PTGFR: variants seen among roughly 807,000 people sequenced by gnomAD.
PTGFR encodes the protein prostaglandin F2-alpha receptor.
Under a neutral mutation model 26.2 loss-of-function variants are expected in PTGFR, and 15 were observed. The ratio of observed to expected loss-of-function variants is 0.57; its 90% confidence interval spans 0.38 to 0.88. The LOEUF is 0.88. PTGFR is among the 40% of genes least tolerant of loss of function. The probability of loss-of-function intolerance (pLI) is 0.00; values close to 1 mark genes in which losing one functional copy is unlikely to be tolerated. For missense variants in PTGFR, 369 were observed against 427.2 expected, an observed-to-expected ratio of 0.86 and a Z score of 1.20; for synonymous variants, 165 against 151.1, an observed-to-expected ratio of 1.09 and a Z score of -0.68.
chr1:78,535,224 G>A (rs1475564623), intron 2 of PTGFR, among the ~76,000 whole-genome samples: 3 of 152,048 alleles, frequency 2.0e-5, no homozygotes, highest in Non-Finnish European at 4.4e-5. Flanking sequence ...AGCTCAGGAG[G>A]GCATGGTGCA....
intron 2 of PTGFR, among the ~76,000 whole-genome samples, chr1:78,528,289 G>C (rs975997226): frequency 6.7e-5 from 3 of 45,102 alleles, no homozygotes; most frequent in African/African-American, 3.4e-4. Flanking sequence ...AGTTCAGAAA[G>C]TTAGCAAAAA....
At chr1:78,524,404 C>T (rs372150089) in intron 2 of PTGFR, among the ~76,000 whole-genome samples, 3 of 151,942 alleles carry the variant, frequency 2.0e-5, no homozygotes, top group Admixed American at 6.6e-5. Flanking sequence ...TACCTAGATT[C>T]GACTTATAAT....
intron 2 of PTGFR, among the ~76,000 whole-genome samples, chr1:78,518,664 T>G (rs1650153771): frequency 1.3e-5 from 2 of 150,242 alleles, no homozygotes; most frequent in Admixed American, 1.3e-4. Context: ...AGATAGACCA[T>G]GATCTAGGAA....
chr1:78,518,229 A>C (rs1202967060), intron 2 of PTGFR, among the ~76,000 whole-genome samples: 1 of 152,160 alleles, frequency 6.6e-6, no homozygotes, highest in Non-Finnish European at 1.5e-5. Flanking sequence ...GTTATGTCTT[A>C]TCTATTCTAC....
rs890059217 is a variant in PTGFR, at chr1:78,539,363, A to G, written c.*2676A>G. The G allele has an allele frequency of 6.6e-6, 1 of 152,190 alleles. No homozygotes were observed. Among genetic ancestry groups the G allele is most frequent in the East Asian group, 1.9e-4 (1 of 5,186 alleles). 9.4% of individuals were successfully genotyped at this position (152,190 alleles called of 1,614,324 possible). A position where few individuals can be genotyped will look rare whatever the true frequency, so the allele number is the denominator to read the frequency against. ...CCAAATAAGAGGACTTGTTAAATATAGAGTGTACTTTTTGTTAAAACTATT... is the reference window on the plus strand; with the variant it reads ...CCAAATAAGAGGACTTGTTAAATATGGAGTGTACTTTTTGTTAAAACTATT... On this transcript the variant is annotated 3_prime_UTR_variant, in exon 3 of 3. Coordinates refer to ENST00000370757, the MANE Select transcript of PTGFR (RefSeq NM_000959.4).
rs116532636 is a variant in PTGFR at position 78,493,476 on chromosome 1, T to C, written c.733T>C (p.Leu245=). The C allele has an allele frequency of 7.5e-6, 12 of 1,592,532 alleles. No homozygotes were observed. The African/African-American group carries it at 1.1e-4, about 14-fold the overall frequency. ...QQHRQGRSHH[L]EMVIQLLAIM... is the part of the protein sequence containing the mutation. The stretch of plus-strand genomic sequence containing the variant: ...GCACAGACAAGGCAGATCTCATCAT[T>C]TGGAAATGGTAATCCAGCTCCTGGC... The change falls in exon 2 of 3, where the codon TTG becomes CTG. Residue 245 remains leucine (L), a synonymous_variant. Coordinates refer to ENST00000370757, the MANE Select transcript of PTGFR (RefSeq NM_000959.4).
At chr1:78,532,980 A>AT (rs1650559448) in intron 2 of PTGFR, among the ~76,000 whole-genome samples, 5 of 152,302 alleles carry the variant, frequency 3.3e-5, no homozygotes, top group African/African-American at 9.6e-5. Flanking sequence ...GGAGGCACAG[A>AT]TAGTAGTTTG....
chr1:78,514,319 T>C (rs1280413924), intron 2 of PTGFR, among the ~76,000 whole-genome samples: 1 of 152,194 alleles, frequency 6.6e-6, no homozygotes, highest in Non-Finnish European at 1.5e-5. Context: ...CTTGCATCAG[T>C]GTACTCTGGA....
At chr1:78,535,911 G>C (rs184723254) in intron 2 of PTGFR, among the ~76,000 whole-genome samples, 2 of 152,270 alleles carry the variant, frequency 1.3e-5, no homozygotes, top group Admixed American at 6.5e-5. Flanking sequence ...GAAAATTGAA[G>C]ACAGTGGTAT....
chr1:78,494,688 C>A (rs1451049754), intron 2 of PTGFR, among the ~76,000 whole-genome samples: 2 of 152,196 alleles, frequency 1.3e-5, no homozygotes, highest in African/African-American at 4.8e-5. Flanking sequence ...TTATTGCAAC[C>A]TCCGCCTCCC....
At chr1:78,506,669 T>C (rs923993408) in intron 2 of PTGFR, among the ~76,000 whole-genome samples, 2 of 152,112 alleles carry the variant, frequency 1.3e-5, no homozygotes, top group African/African-American at 4.8e-5. Flanking sequence ...ATACTGAGTA[T>C]AGTCTAATAA....
chr1:78,491,002 C>T lies in PTGFR; in HGVS notation c.-307C>T. 6.6e-6 allele frequency: 1 copy of T among 152,556 alleles called. No homozygotes were observed. The allele number at this position is 152,556 out of a possible 1,614,324, so 9.5% of individuals were successfully genotyped here. Reference sequence around the variant, plus strand: ...CGCGCGCCCCATCCCTCCCAGGCTGCCAGCGCAGCTAGGTGCAGAGGGATC... The same window carrying T: ...CGCGCGCCCCATCCCTCCCAGGCTGTCAGCGCAGCTAGGTGCAGAGGGATC... On this transcript the variant is annotated 5_prime_UTR_variant, in exon 1 of 3. Coordinates refer to ENST00000370757, the MANE Select transcript of PTGFR (RefSeq NM_000959.4).
At chr1:78,533,566 G>A (rs1179335044) in intron 2 of PTGFR, among the ~76,000 whole-genome samples, 2 of 152,128 alleles carry the variant, frequency 1.3e-5, no homozygotes, top group Non-Finnish European at 2.9e-5. Flanking sequence ...GGGTCTTGGC[G>A]GTAGTGCCAT....
chr1:78,510,805 G>A (rs142602735), intron 2 of PTGFR, among the ~76,000 whole-genome samples: 1 of 152,218 alleles, frequency 6.6e-6, no homozygotes, highest in East Asian at 1.9e-4. Context: ...CTATGAGCCT[G>A]TGACAGCAAA....
rs200749896 is a variant in PTGFR at position 78,493,068 on chromosome 1, A to C, written c.325A>C (p.Ser109Arg). Residue 109 changes from serine (S) to arginine (R), a missense_variant, in exon 2 of 3, where the codon AGT (serine) becomes CGT (arginine). Coordinates refer to ENST00000370757, the MANE Select transcript of PTGFR (RefSeq NM_000959.4). ...IRFDQSNVLC[S>R]IFGICMVFSG... is the part of the protein sequence containing the mutation. ...CTTTGACCAATCAAATGTCCTTTGCAGTATTTTTGGTATCTGCATGGTGTT... is the reference window on the plus strand; with the variant it reads ...CTTTGACCAATCAAATGTCCTTTGCCGTATTTTTGGTATCTGCATGGTGTT... The C allele has an allele frequency of 6.2e-7, 1 of 1,614,108 alleles. No individual in the cohort carries two copies.
At chr1:78,503,534 G>A (rs974910227) in intron 2 of PTGFR, among the ~76,000 whole-genome samples, 1 of 152,146 alleles carries the variant, frequency 6.6e-6, no homozygotes, top group Non-Finnish European at 1.5e-5. Context: ...GGAAACTGGT[G>A]GGTGTCTCTC....
intron 2 of PTGFR, among the ~76,000 whole-genome samples, chr1:78,496,949 C>T (rs909649190): frequency 8.2e-5 from 10 of 121,378 alleles, no homozygotes; most frequent in East Asian, 2.9e-4. Flanking sequence ...TTGTTAGAAT[C>T]GATGAGCTGA....
intron 2 of PTGFR, among the ~76,000 whole-genome samples, chr1:78,533,062 C>T (rs1650562116): frequency 1.3e-5 from 2 of 152,006 alleles, no homozygotes; most frequent in Non-Finnish European, 2.9e-5. Context: ...TATTTCTGTC[C>T]AGTGTATTTT....
At chr1:78,523,820 C>T (rs1416067604) in intron 2 of PTGFR, among the ~76,000 whole-genome samples, 1 of 152,032 alleles carries the variant, frequency 6.6e-6, no homozygotes, top group East Asian at 1.9e-4. Context: ...GTCTGCATTT[C>T]ACTGTTTAAA....
Sources: allele counts gnomAD v4.1 joint callset (sites outside exome capture counted in the v4.1 genomes callset), GRCh38; gene constraint gnomAD v4.1.1; transcripts MANE v1.5; gene names NCBI Gene and HGNC (gene_info 2026-07-23, HGNC 2026-07-21).